Variants in THSD4 observed in about 807,000 individuals in gnomAD.
THSD4 encodes the protein thrombospondin type-1 domain-containing protein 4.
Under a neutral mutation model 119.0 loss-of-function variants are expected in THSD4, and 69 were observed. That is an observed-to-expected ratio of 0.58 (90% confidence interval 0.48 to 0.71). THSD4 has a LOEUF of 0.71. Ranked by LOEUF, THSD4 falls within the 30% of genes least tolerant of loss-of-function variation. The probability of loss-of-function intolerance (pLI) is 0.00; values close to 1 mark genes in which losing one functional copy is unlikely to be tolerated. For missense variants in THSD4, 1,393 were observed against 1,391.1 expected (o/e 1.00, Z -0.02); for synonymous variants, 524 against 540.4 (o/e 0.97, Z 0.42).
At chr15:71,501,746 C>T (rs1257157570) in intron 7 of THSD4, among the ~76,000 whole-genome samples, 1 of 152,224 alleles carries the variant, frequency 6.6e-6, no homozygotes, top group Non-Finnish European at 1.5e-5. Flanking sequence ...CATCTGTGAT[C>T]CATCATGACC....
intron 8 of THSD4, among the ~76,000 whole-genome samples, chr15:71,673,984 T>C (rs1048824089): frequency 5.3e-5 from 8 of 152,228 alleles, no homozygotes; most frequent in African/African-American, 1.9e-4. Context: ...TGTGTGTTCT[T>C]ATGGCTTTTG....
chr15:71,143,685 CTTTTTTT>C lies in THSD4; in HGVS notation c.29+2133_29+2139del, dbSNP rs11462253. 4.3e-5 allele frequency among the ~76,000 whole-genome samples: 5 copies of C among 114,964 alleles called. No homozygotes were observed. The South Asian group carries it at 1.1e-3, about 26-fold the overall frequency. 75.4% of individuals were successfully genotyped at this position (114,964 alleles called of 152,430 possible). A position where few individuals can be genotyped will look rare whatever the true frequency, so the allele number is the denominator to read the frequency against. ...CTTAATGTCTTGGATTTTTTTCTTT[CTTTTTTT>C]TTTCTTTCTTTTTTTTTTTTTTTTT... On this transcript the variant is annotated intron_variant, in intron 2 of 17. Transcript: ENST00000261862.
intron 7 of THSD4, among the ~76,000 whole-genome samples, chr15:71,521,196 C>T (rs576176628): frequency 3.8e-4 from 58 of 151,968 alleles, no homozygotes; most frequent in African/African-American, 1.4e-3. Context: ...AATACTTTCT[C>T]TCTCTTTTAA....
chr15:71,129,114 C>A (rs530360919), intron 1 of THSD4, among the ~76,000 whole-genome samples: 1 of 152,240 alleles, frequency 6.6e-6, no homozygotes, highest in East Asian at 1.9e-4. Context: ...AGAGTCATTT[C>A]CTGGAAGGAC....
At chr15:71,758,169 G>C (rs924556) in intron 15 of THSD4, 94 bp downstream of exon 15, 5 of 1,409,168 alleles carry the variant, frequency 3.5e-6, no homozygotes, top group Middle Eastern at 2.4e-4. Flanking sequence ...AGGTGTCCCA[G>C]CTTTGAATCC....
intron 6 of THSD4, among the ~76,000 whole-genome samples, chr15:71,260,993 G>A (rs985108568): frequency 6.6e-6 from 1 of 152,102 alleles, no homozygotes; most frequent in East Asian, 1.9e-4. Context: ...TCCCAGCTAC[G>A]CAGGAGGCTG....
At chr15:71,339,224 A>G (rs1431767699) in intron 6 of THSD4, among the ~76,000 whole-genome samples, 3 of 152,062 alleles carry the variant, frequency 2.0e-5, no homozygotes, top group African/African-American at 7.2e-5. Context: ...TCAGTGTTCT[A>G]TGCTGAGTTT....
At chr15:71,204,163 G>A (rs1567156418) in intron 3 of THSD4, among the ~76,000 whole-genome samples, 1 of 152,216 alleles carries the variant, frequency 6.6e-6, no homozygotes, top group East Asian at 1.9e-4. Flanking sequence ...ACAGGGCCAA[G>A]TGGGTACCAA....
chr15:71,153,566 C>A (rs1474082674), intron 2 of THSD4, among the ~76,000 whole-genome samples: 1 of 152,190 alleles, frequency 6.6e-6, no homozygotes, highest in Non-Finnish European at 1.5e-5. Context: ...TCTCCTGGGT[C>A]ACTTACATAC....
At chr15:71,520,997 C>T (rs1341141485) in intron 7 of THSD4, among the ~76,000 whole-genome samples, 1 of 152,186 alleles carries the variant, frequency 6.6e-6, no homozygotes, top group Non-Finnish European at 1.5e-5. Context: ...CATCTTCCTT[C>T]CGTGACCATA....
At chr15:71,138,294 C>T (rs1039150099) in intron 1 of THSD4, among the ~76,000 whole-genome samples, 1 of 152,094 alleles carries the variant, frequency 6.6e-6, no homozygotes, top group Non-Finnish European at 1.5e-5. Flanking sequence ...GCACTCGCTC[C>T]CTATCACAAG....
intron 17 of THSD4, 58 bp from the exon 18 acceptor site, chr15:71,777,174 C>A: frequency 6.2e-7 from 1 of 1,609,290 alleles, no homozygotes; most frequent in Non-Finnish European, 8.5e-7. Context: ...TCTCTTCCCA[C>A]TGGTCCAGGC....
intron 7 of THSD4, among the ~76,000 whole-genome samples, chr15:71,469,807 C>T (rs564817133): frequency 2.0e-5 from 3 of 152,276 alleles, no homozygotes; most frequent in Non-Finnish European, 4.4e-5. Flanking sequence ...AGCAGGCCTT[C>T]TATCAATATT....
chr15:71,224,031 G>A (rs756014709), intron 4 of THSD4, among the ~76,000 whole-genome samples: 1 of 152,248 alleles, frequency 6.6e-6, no homozygotes, highest in South Asian at 2.1e-4. Context: ...AGGGAGGAGA[G>A]GGGAAGACAA....
At chr15:71,623,021 G>C (rs1175884636) in intron 7 of THSD4, among the ~76,000 whole-genome samples, 1 of 152,106 alleles carries the variant, frequency 6.6e-6, no homozygotes, top group Non-Finnish European at 1.5e-5. Context: ...GATGGCTCCA[G>C]CAGTGCCAGT....
At chr15:71,153,738 T>G (rs1008220475) in intron 2 of THSD4, among the ~76,000 whole-genome samples, 2 of 152,162 alleles carry the variant, frequency 1.3e-5, no homozygotes, top group Non-Finnish European at 2.9e-5. Flanking sequence ...CTCAGTTGTG[T>G]TGGAAGCCTC....
At chr15:71,546,565 G>A (rs2048840961) in intron 7 of THSD4, among the ~76,000 whole-genome samples, 1 of 152,158 alleles carries the variant, frequency 6.6e-6, no homozygotes, top group Non-Finnish European at 1.5e-5. Context: ...AGCACTGTCT[G>A]ACACTTGGGA....
intron 7 of THSD4, among the ~76,000 whole-genome samples, chr15:71,609,830 C>T (rs28578570): frequency 0.36 from 49,555 of 139,480 alleles, 9,376 homozygotes; most frequent in East Asian, 0.72. Context: ...CCAGCCTGGG[C>T]GACAGAGCAA....
intron 7 of THSD4, among the ~76,000 whole-genome samples, chr15:71,495,859 C>T (rs1467702252): frequency 6.6e-6 from 1 of 152,194 alleles, no homozygotes; most frequent in African/African-American, 2.4e-5. Context: ...AGGAAAAGAC[C>T]ATGCGTCTCA....
Sources: gnomAD v4.1 joint callset for allele counts (sites outside exome capture counted in the v4.1 genomes callset) on GRCh38, gnomAD v4.1.1 for gene constraint, MANE v1.5 for transcripts, NCBI Gene and HGNC (gene_info 2026-07-23, HGNC 2026-07-21) for gene names.